Variants in BICDL2 observed in about 807,000 individuals in gnomAD.
BICDL2 encodes BICD family like cargo adaptor 2.
Under a neutral mutation model 56.6 loss-of-function variants are expected in BICDL2, and 62 were observed. The ratio of observed to expected loss-of-function variants is 1.10; its 90% confidence interval spans 0.89 to 1.35. The LOEUF (loss-of-function observed/expected upper bound fraction) is 1.35. BICDL2 is among the 40% of genes most tolerant of loss of function. The pLI is 0.00. For missense variants in BICDL2, 808 were observed against 684.5 expected (o/e 1.18, Z -2.01); for synonymous variants, 358 against 319.8 (o/e 1.12, Z -1.27).
chr16:3,035,189 A>ACCCCCCCCCC, intron 2 of BICDL2, 26 bp downstream of exon 2: 1 of 57,700 alleles, frequency 1.7e-5, no homozygotes, highest in Admixed American at 4.0e-4. Context: ...CCACCCACCC[A>ACCCCCCCCCC]CCCACCCCGT....
At chr16:3,031,352 C>A (rs1322191454) in intron 2 of BICDL2, 1 of 593,268 alleles carries the variant, frequency 1.7e-6, no homozygotes, top group Admixed American at 3.0e-5. Flanking sequence ...TCCGAGCAGA[C>A]AGGACGCGTG....
At position 3,029,313 on chromosome 16, in the gene BICDL2, C is replaced by A; in HGVS notation, c.1074G>T (p.Glu358Asp). Reference protein sequence around the residue: ...TSLSPAEILEEKEVEVAKLQD... With the variant: ...TSLSPAEILEDKEVEVAKLQD... ...GCAGCTTGGCCACTTCCACCTCCTT[C>A]TCCTCCAGTATCTCCGCTGGACTGA... Residue 358 changes from glutamate (E) to aspartate (D), a missense_variant, in exon 7 of 10, where the codon GAG (glutamate) becomes GAT (aspartate). Physicochemically the swap from Glu to Asp is conservative, Grantham distance 45. Transcript: ENST00000572449. The A allele has an allele frequency of 6.2e-7, 1 of 1,611,768 alleles. No individual in the cohort carries two copies. Among genetic ancestry groups the A allele is most frequent in the South Asian group, 1.1e-5 (1 of 90,760 alleles).
chr16:3,031,122 C>G lies in BICDL2; in HGVS notation c.311G>C (p.Arg104Pro). ...ERLQQENHEL[R>P]RGLAARGAEW... ...GGCTCCTCGGGCTGCCAGGCCTCGC[C>G]GGAGCTCATGGTTCTCCTGCTGGAG... The change falls in exon 3 of 10, where the codon CGG becomes CCG. Residue 104 changes from arginine to proline, a missense_variant. By Grantham distance (103) the Arg-to-Pro change is moderately radical (BLOSUM62 -2). Coordinates refer to ENST00000572449, the MANE Select transcript of BICDL2 (RefSeq NM_001369667.1). The G allele has an allele frequency of 6.5e-7, 1 of 1,535,630 alleles. No homozygotes were observed. Among genetic ancestry groups the G allele is most frequent in the Non-Finnish European group, 8.7e-7 (1 of 1,146,466 alleles).
chr16:3,030,335 T>G, intron 5 of BICDL2, 114 bp downstream of exon 5: 1 of 1,359,356 alleles, frequency 7.4e-7, no homozygotes, highest in Non-Finnish European at 9.9e-7. Context: ...CCCATGCTCT[T>G]GTGGGCCAGC....
At chr16:3,035,176 T>TTGGGGGGGGGGGGGGGGGGGGG in intron 2 of BICDL2, 39 bp downstream of exon 2, 1 of 136,266 alleles carries the variant, frequency 7.3e-6, no homozygotes, top group Non-Finnish European at 1.4e-5. Context: ...CGTCCTCCCC[T>TTGGGGGGGGGGGGGGGGGGGGG]GCCCACCCAC....
chr16:3,036,077 G>C (rs1388636649), intron 1 of BICDL2: 1 of 349,164 alleles, frequency 2.9e-6, no homozygotes, highest in African/African-American at 2.2e-5. Context: ...TACCTCCTGA[G>C]CAGGTGCTTT....
Position 3,028,147 on chromosome 16 carries a change from G to T in BICDL2, c.1486C>A (p.Pro496Thr), listed in dbSNP as rs766924493. 6 of 1,441,234 alleles carry T rather than the reference G, an allele frequency of 4.2e-6. No individual in the cohort carries two copies. Among genetic ancestry groups the T allele is most frequent in the Admixed American group, 3.3e-5 (1 of 29,990 alleles). 89.3% of individuals were successfully genotyped at this position (1,441,234 alleles called of 1,614,324 possible). ...PRFSLRLGPG[P>T]AGGFLSNLFR... The stretch of plus-strand genomic sequence containing the variant: ...AGGTTACTGAGAAAGCCACCGGCGG[G>T]CCCGGGGCCCAGGCGCAGCGAGAAG... Residue 496 changes from proline to threonine, a missense_variant, in exon 10 of 10, where the codon CCC (proline) becomes ACC (threonine). Physicochemically the swap from Pro to Thr is conservative, Grantham distance 38. Transcript: ENST00000572449.
intron 1 of BICDL2, chr16:3,036,456 A>G (rs1194063696): frequency 6.6e-6 from 3 of 455,824 alleles, no homozygotes; most frequent in African/African-American, 2.0e-5. Flanking sequence ...CTCACCACCC[A>G]CTAGGCACAC....
Position 3,030,555 on chromosome 16 carries a change from T to A in BICDL2, c.656A>T (p.Gln219Leu). Reference protein sequence around the residue: ...LQSRRQDLEAQIRGLREEVEK... With the variant: ...LQSRRQDLEALIRGLREEVEK... The stretch of plus-strand genomic sequence containing the variant: ...CACCTCCTCACGCAGGCCTCGGATC[T>A]GGGCCTCCAGGTCCTGCCGGCGGCT... Residue 219 changes from glutamine (Q) to leucine (L), a missense_variant, in exon 5 of 10, where the codon CAG becomes CTG. Coordinates refer to ENST00000572449, the MANE Select transcript of BICDL2 (RefSeq NM_001369667.1). The A allele has an allele frequency of 6.3e-7, 1 of 1,598,576 alleles. No homozygotes were observed. The highest frequency in any genetic ancestry group is 8.5e-7 in the Non-Finnish European group (1 of 1,176,638).
Position 3,028,259 on chromosome 16 carries a change from C to A in BICDL2, c.1374G>T (p.Val458=). ...ELEAWQDDMQ[V]VIGQQLRSQR... ...GTGAGCGCAGCTGCTGCCCGATCACCACCTGCATGTCGTCCTGCGGGAGGC... is the reference window on the plus strand; with the variant it reads ...GTGAGCGCAGCTGCTGCCCGATCACAACCTGCATGTCGTCCTGCGGGAGGC... The change falls in exon 10 of 10, where the codon GTG becomes GTT. Residue 458 remains valine (V), a synonymous_variant. Coordinates refer to ENST00000572449, the MANE Select transcript of BICDL2 (RefSeq NM_001369667.1). 4.7e-6 allele frequency: 7 copies of A among 1,485,710 alleles called. No homozygotes were observed. Among genetic ancestry groups the A allele is most frequent in the Non-Finnish European group, 6.2e-6 (7 of 1,131,078 alleles). The allele number at this position is 1,485,710 out of a possible 1,614,324, so 92.0% of individuals were successfully genotyped here. A position where few individuals can be genotyped will look rare whatever the true frequency, so the allele number is the denominator to read the frequency against.
rs1955586560 is a variant in BICDL2 at position 3,028,351 on chromosome 16, C to T, written c.1356G>A (p.Trp452Ter). ...KVALTQELEA[W>*]QDDMQVVIGQ... is the part of the protein sequence containing the mutation. ...GCACACGGGCCCCGCCCCTCACCTG[C>T]CAGGCCTCCAGCTCCTGCGTGAGCG... The change falls in exon 9 of 10, where the codon TGG becomes TGA. Residue 452 changes from tryptophan to a stop codon, truncating the protein, a stop_gained. Coordinates refer to ENST00000572449, the MANE Select transcript of BICDL2 (RefSeq NM_001369667.1). LOFTEE classifies it low-confidence loss of function (END_TRUNC). 4 of 1,549,942 alleles carry T rather than the reference C, an allele frequency of 2.6e-6. No homozygotes were observed. Among genetic ancestry groups the T allele is most frequent in the South Asian group, 2.3e-5 (2 of 85,538 alleles).
chr16:3,028,892 G>A (rs1446368538), intron 7 of BICDL2, 62 bp from the exon 8 acceptor site: 4 of 1,495,632 alleles, frequency 2.7e-6, no homozygotes, highest in Non-Finnish European at 3.6e-6. Flanking sequence ...GCTTCTCCCA[G>A]CAGCCCCGAC....
chr16:3,035,668 T>C, intron 1 of BICDL2, 142 bp from the exon 2 acceptor site: 1 of 705,980 alleles, frequency 1.4e-6, no homozygotes, highest in South Asian at 1.9e-5. Context: ...ATGACCTGTG[T>C]TTTGGCTACC....
At chr16:3,029,821 G>C in intron 5 of BICDL2, 82 bp from the exon 6 acceptor site, 4 of 1,251,074 alleles carry the variant, frequency 3.2e-6, no homozygotes, top group Non-Finnish European at 3.2e-6. Context: ...GTCCACACGG[G>C]GGTGCCGCGG....
In BICDL2 at chr16:3,028,435, G is replaced by C; in HGVS notation, c.1272C>G (p.Val424=). The change falls in exon 9 of 10, where the codon GTC becomes GTG. Residue 424 remains valine, a synonymous_variant. Coordinates refer to ENST00000572449, the MANE Select transcript of BICDL2 (RefSeq NM_001369667.1). ...GAGACAGGGAGTCTCGCTCCAGCGA[G>C]ACGCGGTTGAGCTGCAGGGACAGCT... The part of the protein sequence containing the change: ...ALELSLQLNR[V]SLERDSLSRE... 6.4e-7 allele frequency: 1 copy of C among 1,564,118 alleles called. No individual in the cohort carries two copies. Among genetic ancestry groups the C allele is most frequent in the Non-Finnish European group, 8.6e-7 (1 of 1,163,738 alleles).
Position 3,029,263 on chromosome 16 carries a change from C to T in BICDL2, c.1107+17G>A. ...GCTGGAGGGGCCGTGCATCCAGCAC[C>T]GTGCCCTCTGCCCCACCTCATCTTG... On this transcript the variant is annotated intron_variant, in intron 7 of 9. Coordinates refer to ENST00000572449, the MANE Select transcript of BICDL2 (RefSeq NM_001369667.1). 3.1e-6 allele frequency: 5 copies of T among 1,606,814 alleles called. No individual in the cohort carries two copies. Among genetic ancestry groups the T allele is most frequent in the Non-Finnish European group, 4.2e-6 (5 of 1,177,620 alleles).
intron 2 of BICDL2, chr16:3,031,565 C>G (rs576306586): frequency 7.5e-5 from 31 of 415,480 alleles, no homozygotes; most frequent in Non-Finnish European, 1.1e-4. Flanking sequence ...CTCCCCAGCT[C>G]CTCCTAGCCA....
chr16:3,028,846 G>C lies in BICDL2; in HGVS notation c.1108-16C>G, dbSNP rs2151139470. ...GCAGCGAGATCTGTGAGCAGAGGAG[G>C]GGGGCCGTGCGGCAGATGGGCCAAT... On this transcript the variant is annotated splice_polypyrimidine_tract_variant and intron_variant, in intron 7 of 9. Coordinates refer to ENST00000572449, the MANE Select transcript of BICDL2 (RefSeq NM_001369667.1). The C allele has an allele frequency of 6.5e-7, 1 of 1,535,778 alleles. No individual in the cohort carries two copies. The highest frequency in any genetic ancestry group is 2.4e-5 in the East Asian group (1 of 41,032).
Position 3,035,289 on chromosome 16 carries a change from T to C in BICDL2, c.208A>G (p.Met70Val). The C allele has an allele frequency of 6.4e-7, 1 of 1,556,378 alleles. No individual in the cohort carries two copies. Among genetic ancestry groups the C allele is most frequent in the Non-Finnish European group, 8.7e-7 (1 of 1,150,286 alleles). The change falls in exon 2 of 10, where the codon ATG (methionine) becomes GTG (valine). Residue 70 changes from methionine to valine, a missense_variant. By Grantham distance (21) the Met-to-Val change is conservative. Coordinates refer to ENST00000572449, the MANE Select transcript of BICDL2 (RefSeq NM_001369667.1). The part of the protein sequence containing the change: ...DLLLAAELGK[M>V]LLERNEELRR... ...AGCTCTTCATTTCGCTCCAGAAGCA[T>C]CTTGCCGAGCTCCGCGGCCAACAGC...
Sources: gnomAD v4.1 joint callset for allele counts on GRCh38, gnomAD v4.1.1 for gene constraint, MANE v1.5 for transcripts, NCBI Gene and HGNC (gene_info 2026-07-23, HGNC 2026-07-21) for gene names.